DSCAML1: variants seen among roughly 807,000 people sequenced by gnomAD.
DSCAML1 encodes cell adhesion molecule DSCAML1.
DSCAML1 carries 38 observed loss-of-function variants against 200.5 expected under a neutral mutation model. The ratio of observed to expected loss-of-function variants is 0.19; its 90% CI spans 0.15 to 0.25. The LOEUF (loss-of-function observed/expected upper bound fraction) is 0.25. Among genes scored for constraint, DSCAML1 ranks in the 10% least tolerant of loss-of-function variants. The probability of loss-of-function intolerance (pLI) is 1.00; values close to 1 mark genes in which losing one functional copy is unlikely to be tolerated. For synonymous variants in DSCAML1, 1,215 were observed against 1,165.0 expected (o/e 1.04, Z -0.87); for missense variants, 2,223 against 2,858.8 (o/e 0.78, Z 5.07).
At chr11:117,491,364 A>G (rs1213432108) in intron 11 of DSCAML1, among the ~76,000 whole-genome samples, 1 of 152,194 alleles carries the variant, frequency 6.6e-6, no homozygotes, top group Non-Finnish European at 1.5e-5. Context: ...CACTTCACAG[A>G]TGGGGAAACT....
At chr11:117,666,070 T>A (rs965874589) in intron 3 of DSCAML1, among the ~76,000 whole-genome samples, 5 of 152,208 alleles carry the variant, frequency 3.3e-5, no homozygotes, top group African/African-American at 1.2e-4. Flanking sequence ...TCAGGGCTGC[T>A]GCTGAGAACC....
chr11:117,737,849 G>C (rs2054347496), intron 3 of DSCAML1, among the ~76,000 whole-genome samples: 2 of 152,232 alleles, frequency 1.3e-5, no homozygotes. Context: ...AGCATGAGAT[G>C]GCATGGCAGG....
chr11:117,485,606 C>T (rs1190978499), intron 11 of DSCAML1, among the ~76,000 whole-genome samples: 1 of 152,240 alleles, frequency 6.6e-6, no homozygotes, highest in African/African-American at 2.4e-5. Flanking sequence ...TGTAAACTGC[C>T]TGCCACACAG....
chr11:117,791,329 A>G (rs757568933), intron 1 of DSCAML1, among the ~76,000 whole-genome samples: 4 of 152,212 alleles, frequency 2.6e-5, no homozygotes, highest in Non-Finnish European at 4.4e-5. Context: ...TGAAAAATAG[A>G]GGTTCATCTC....
At chr11:117,742,142 A>G (rs1362522067) in intron 3 of DSCAML1, among the ~76,000 whole-genome samples, 1 of 152,208 alleles carries the variant, frequency 6.6e-6, no homozygotes, top group Non-Finnish European at 1.5e-5. Flanking sequence ...TGGGTCTAGG[A>G]AAGTCTCAGG....
At chr11:117,654,312 C>T (rs891628514) in intron 3 of DSCAML1, among the ~76,000 whole-genome samples, 13 of 152,082 alleles carry the variant, frequency 8.5e-5, no homozygotes, top group African/African-American at 2.9e-4. Flanking sequence ...TAAAGATCAC[C>T]GAACTGTGCC....
At chr11:117,626,309 C>G (rs747547336) in intron 3 of DSCAML1, among the ~76,000 whole-genome samples, 1 of 151,580 alleles carries the variant, frequency 6.6e-6, no homozygotes, top group African/African-American at 2.4e-5. Context: ...AAGTAAAGGG[C>G]TTGCCTAGAA....
chr11:117,564,299 A>C (rs929615475), intron 3 of DSCAML1, among the ~76,000 whole-genome samples: 2 of 152,120 alleles, frequency 1.3e-5, no homozygotes, highest in African/African-American at 4.8e-5. Flanking sequence ...TCCGAGATGG[A>C]ATCCATTTCT....
intron 3 of DSCAML1, among the ~76,000 whole-genome samples, chr11:117,734,910 T>C (rs896009148): frequency 6.6e-6 from 1 of 152,136 alleles, no homozygotes; most frequent in Non-Finnish European, 1.5e-5. Context: ...GGGGCGGAGC[T>C]GCTGCTGTTT....
At chr11:117,492,110 C>T (rs1177593291) in intron 11 of DSCAML1, among the ~76,000 whole-genome samples, 1 of 152,160 alleles carries the variant, frequency 6.6e-6, no homozygotes, top group African/African-American at 2.4e-5. Flanking sequence ...TGGCCGCCTG[C>T]ATTCCCCATC....
chr11:117,428,878 T>G, intron 32 of DSCAML1, 75 bp from the exon 33 acceptor site: 1 of 1,368,690 alleles, frequency 7.3e-7, no homozygotes, highest in Non-Finnish European at 9.9e-7. Flanking sequence ...CCCCACCCCA[T>G]CCCCTGCCCC....
chr11:117,534,267 C>T (rs866075849), intron 3 of DSCAML1, among the ~76,000 whole-genome samples: 3 of 152,200 alleles, frequency 2.0e-5, no homozygotes, highest in Non-Finnish European at 2.9e-5. Flanking sequence ...GGGACCTCAC[C>T]GTAGGGCACC....
intron 3 of DSCAML1, among the ~76,000 whole-genome samples, chr11:117,545,226 T>TA (rs369727751): frequency 0.15 from 20,022 of 135,436 alleles, 1,866 homozygotes; most frequent in South Asian, 0.38. Flanking sequence ...CAAGATTCCG[T>TA]AAAAAAAAAC....
intron 3 of DSCAML1, among the ~76,000 whole-genome samples, chr11:117,599,864 T>G (rs1388450889): frequency 6.6e-6 from 1 of 152,200 alleles, no homozygotes; most frequent in Non-Finnish European, 1.5e-5. Context: ...CCGGGACTCA[T>G]CTGGCTGCCC....
intron 3 of DSCAML1, among the ~76,000 whole-genome samples, chr11:117,704,081 G>A (rs1008276991): frequency 7.2e-6 from 1 of 139,102 alleles, no homozygotes; most frequent in Admixed American, 7.5e-5. Context: ...AAAATGAGAG[G>A]AAGAAGGAGA....
chr11:117,437,006 G>T lies in DSCAML1; in HGVS notation c.4720+116C>A. 1 of 1,385,178 alleles carries T rather than the reference G, an allele frequency of 7.2e-7. No individual in the cohort carries two copies. Among genetic ancestry groups the T allele is most frequent in the Non-Finnish European group, 9.7e-7 (1 of 1,034,108 alleles). The allele number at this position is 1,385,178 out of a possible 1,614,324, so 85.8% of individuals were successfully genotyped here. On this transcript the variant is annotated intron_variant, in intron 26 of 32. Coordinates refer to ENST00000651296, the MANE Select transcript of DSCAML1 (RefSeq NM_020693.4). The surrounding 1 kb of genome is among the most constrained non-coding windows in gnomAD (Gnocchi z 5.3). ...CTGCAGGCCAGCATTTCCCCCACCT[G>T]CATTCCTGCCTGTTTTTCTATTAGT...
chr11:117,796,989 C>G (rs2055592023), intron 1 of DSCAML1, 45 bp downstream of exon 1: 1 of 1,321,354 alleles, frequency 7.6e-7, no homozygotes, highest in Non-Finnish European at 9.8e-7. Flanking sequence ...CCGCGCCACC[C>G]TGGCCCCGCC....
At chr11:117,600,867 C>T in intron 3 of DSCAML1, among the ~76,000 whole-genome samples, 1 of 152,132 alleles carries the variant, frequency 6.6e-6, no homozygotes, top group East Asian at 1.9e-4. Context: ...GAGGCCAGAG[C>T]TGGAGGAGAA....
At position 117,780,298 on chromosome 11, in the gene DSCAML1, A is replaced by G. The variant is rs867908911; in HGVS notation, c.364+195T>C. Among the ~76,000 whole-genome samples the G allele has an allele frequency of 9.0e-6, 1 of 111,194 alleles. No individual in the cohort carries two copies. Among genetic ancestry groups the G allele is most frequent in the Non-Finnish European group, 2.0e-5 (1 of 48,908 alleles). 72.9% of individuals were successfully genotyped at this position (111,194 alleles called of 152,430 possible). A position where few individuals can be genotyped will look rare whatever the true frequency, so the allele number is the denominator to read the frequency against. On this transcript the variant is annotated intron_variant, in intron 2 of 32. Coordinates refer to ENST00000651296, the MANE Select transcript of DSCAML1 (RefSeq NM_020693.4). This position sits in a 1 kb window ranked among gnomAD's most constrained non-coding sequence, Gnocchi z 4.8. Reference sequence around the variant, plus strand: ...AAAGAAAGAAAGAAAGAAAGAAAGAAAGAAAGAGAGAAAGGAGAAAGAAAG... The same window carrying G: ...AAAGAAAGAAAGAAAGAAAGAAAGAGAGAAAGAGAGAAAGGAGAAAGAAAG...
Sources: gnomAD v4.1 joint callset for allele counts (sites outside exome capture counted in the v4.1 genomes callset) on GRCh38, gnomAD v4.1.1 for gene constraint, Gnocchi (gnomAD v3.1) non-coding constraint, MANE v1.5 for transcripts, NCBI Gene and HGNC (gene_info 2026-07-23, HGNC 2026-07-21) for gene names.